Variants in KIF26B observed in about 807,000 individuals in gnomAD.
The protein encoded by KIF26B is kinesin family member 26B.
A neutral mutation model predicts 151.2 loss-of-function variants in KIF26B; 63 were observed. The ratio of observed to expected loss-of-function variants is 0.42; its 90% CI spans 0.34 to 0.51. The LOEUF (loss-of-function observed/expected upper bound fraction) is 0.51. KIF26B is among the 20% of genes least tolerant of loss of function. KIF26B has a pLI of 0.07. For missense variants in KIF26B, 2,813 were observed against 2,913.6 expected (o/e 0.97, Z 0.79); for synonymous variants, 1,357 against 1,262.1 (o/e 1.08, Z -1.59).
chr1:245,476,096 G>A (rs1408116595), intron 4 of KIF26B, among the ~76,000 whole-genome samples: 1 of 151,950 alleles, frequency 6.6e-6, no homozygotes, highest in African/African-American at 2.4e-5. Flanking sequence ...AAGTGCTGAT[G>A]CATGCTGCCA....
At chr1:245,574,419 C>G (rs1489892007) in intron 5 of KIF26B, among the ~76,000 whole-genome samples, 1 of 152,230 alleles carries the variant, frequency 6.6e-6, no homozygotes, top group Admixed American at 6.5e-5. Flanking sequence ...GCTGGGATTA[C>G]AGGTGTGAGC....
chr1:245,385,285 C>T (rs1673515346), intron 3 of KIF26B, among the ~76,000 whole-genome samples: 1 of 152,238 alleles, frequency 6.6e-6, no homozygotes. Flanking sequence ...CTCCTAACAG[C>T]TAACTAATAG....
At chr1:245,657,426 C>CCG (rs974549609) in intron 10 of KIF26B, among the ~76,000 whole-genome samples, 2 of 152,162 alleles carry the variant, frequency 1.3e-5, no homozygotes, top group African/African-American at 4.8e-5. Context: ...TGTTTCCTTC[C>CCG]GAGAACTCTT....
At chr1:245,649,912 G>C (rs954678855) in intron 10 of KIF26B, among the ~76,000 whole-genome samples, 1 of 152,162 alleles carries the variant, frequency 6.6e-6, no homozygotes, top group Non-Finnish European at 1.5e-5. Context: ...ATTCCCACAG[G>C]CACCCTCCAT....
At chr1:245,639,383 G>T (rs1208676157) in intron 9 of KIF26B, among the ~76,000 whole-genome samples, 1 of 151,486 alleles carries the variant, frequency 6.6e-6, no homozygotes, top group Non-Finnish European at 1.5e-5. Context: ...CTAACTGAAG[G>T]TTTTAAAATT....
chr1:245,673,591 C>G (rs1256311681), intron 10 of KIF26B: 1 of 152,350 alleles, frequency 6.6e-6, no homozygotes, highest in African/African-American at 2.4e-5. Flanking sequence ...AGATTCTACA[C>G]ACTTCTAATG....
rs1261765736 is a variant in KIF26B, at chr1:245,318,817, G to C, written c.466-48017G>C. ...ATGAGACAAGATCTAACTAAACAGA[G>C]TAAAGAGTTTCTCGGTCACAAGGGA... On this transcript the variant is annotated intron_variant, in intron 2 of 14. Coordinates refer to ENST00000407071, the MANE Select transcript of KIF26B (RefSeq NM_018012.4). The surrounding 1 kb of genome is among the most constrained non-coding windows in gnomAD (Gnocchi z 4.0). Among the ~76,000 whole-genome samples the C allele has an allele frequency of 1.3e-5, 2 of 151,878 alleles. No individual in the cohort carries two copies. Among genetic ancestry groups the C allele is most frequent in the African/African-American group, 4.8e-5 (2 of 41,328 alleles).
intron 2 of KIF26B, among the ~76,000 whole-genome samples, chr1:245,307,381 T>C (rs936419565): frequency 6.6e-6 from 1 of 151,456 alleles, no homozygotes; most frequent in Non-Finnish European, 1.5e-5. Context: ...GTTCCTTGGC[T>C]CCTCTGCTAA....
chr1:245,487,937 T>C (rs1660318149), intron 4 of KIF26B, among the ~76,000 whole-genome samples: 1 of 152,064 alleles, frequency 6.6e-6, no homozygotes. Context: ...TATAGGCGCC[T>C]GCCACCATGC....
intron 3 of KIF26B, among the ~76,000 whole-genome samples, chr1:245,411,163 A>T (rs1674271808): frequency 6.6e-6 from 1 of 152,172 alleles, no homozygotes; most frequent in Non-Finnish European, 1.5e-5. Context: ...CTCTTCACAA[A>T]TCCTGCTTAG....
chr1:245,658,064 CTAAGTA>C (rs2147930552), intron 10 of KIF26B, among the ~76,000 whole-genome samples: 1 of 152,292 alleles, frequency 6.6e-6, no homozygotes, highest in African/African-American at 2.4e-5. Context: ...GTTTTACCAC[CTAAGTA>C]TGTGTCCCCC....
chr1:245,590,511 T>C (rs116681950), intron 5 of KIF26B, among the ~76,000 whole-genome samples: 2,071 of 152,324 alleles, frequency 0.014, 56 homozygotes, highest in African/African-American at 0.048. Context: ...CTACCAAGTA[T>C]TCAGAAAAAC....
At chr1:245,161,975 C>CG (rs1322749148) in intron 2 of KIF26B, among the ~76,000 whole-genome samples, 1 of 151,946 alleles carries the variant, frequency 6.6e-6, no homozygotes, top group Non-Finnish European at 1.5e-5. Context: ...ATGCAAGGGG[C>CG]GGGGGGAAGG....
chr1:245,445,859 A>G (rs1659239019), intron 4 of KIF26B, among the ~76,000 whole-genome samples: 1 of 152,086 alleles, frequency 6.6e-6, no homozygotes, highest in South Asian at 2.1e-4. Context: ...CAGCATAACA[A>G]TTCCATTAGC....
intron 5 of KIF26B, among the ~76,000 whole-genome samples, chr1:245,591,732 T>A (rs1277837708): frequency 6.6e-6 from 1 of 152,030 alleles, no homozygotes; most frequent in African/African-American, 2.4e-5. Context: ...TAAAATCAGT[T>A]CCCTAATACA....
intron 4 of KIF26B, among the ~76,000 whole-genome samples, chr1:245,507,358 G>A (rs1660745596): frequency 6.6e-6 from 1 of 152,204 alleles, no homozygotes; most frequent in Non-Finnish European, 1.5e-5. Flanking sequence ...CAAGGAAAAA[G>A]TCAAACTGCC....
At chr1:245,336,853 G>A (rs1672243576) in intron 2 of KIF26B, among the ~76,000 whole-genome samples, 1 of 152,190 alleles carries the variant, frequency 6.6e-6, no homozygotes, top group Non-Finnish European at 1.5e-5. Flanking sequence ...ACTAGGCTAG[G>A]ATTTTTGGTT....
At chr1:245,491,910 A>G (rs74766514) in intron 4 of KIF26B, among the ~76,000 whole-genome samples, 1 of 134,544 alleles carries the variant, frequency 7.4e-6, no homozygotes, top group Non-Finnish European at 1.7e-5. Flanking sequence ...ATCTCAAAAG[A>G]AAAAAAAAAA....
chr1:245,293,820 T>C (rs906305624), intron 2 of KIF26B, among the ~76,000 whole-genome samples: 3 of 152,164 alleles, frequency 2.0e-5, no homozygotes, highest in Non-Finnish European at 4.4e-5. Flanking sequence ...TCAGGTGATC[T>C]GCCCGCCTCG....
Sources: gnomAD v4.1 joint callset for allele counts (sites outside exome capture counted in the v4.1 genomes callset) on GRCh38, gnomAD v4.1.1 for gene constraint, Gnocchi (gnomAD v3.1) non-coding constraint, MANE v1.5 for transcripts, NCBI Gene and HGNC (gene_info 2026-07-23, HGNC 2026-07-21) for gene names.